The following VPS8 variants were observed in gnomAD, a reference collection of about 807,000 sequenced individuals.
The protein encoded by VPS8 is VPS8 subunit of CORVET complex, also known as vacuolar protein sorting-associated protein 8 homolog.
VPS8 carries 129 observed loss-of-function variants against 216.4 expected under a neutral mutation model. That is an observed-to-expected ratio of 0.60 (90% confidence interval 0.52 to 0.69). VPS8 has a LOEUF of 0.69. VPS8 is among the 30% of genes least tolerant of loss of function. VPS8 has a pLI of 0.00. For missense variants in VPS8, 1,531 were observed against 1,683.5 expected (o/e 0.91, Z 1.59); for synonymous variants, 571 against 565.4 (o/e 1.01, Z -0.14).
intron 46 of VPS8, among the ~76,000 whole-genome samples, chr3:185,031,834 G>A (rs1001191202): frequency 6.6e-6 from 1 of 152,294 alleles, no homozygotes; most frequent in Middle Eastern, 3.4e-3. Flanking sequence ...TAGATCCCTT[G>A]AAGCATTAAA....
At chr3:184,892,194 T>C (rs914176322) in intron 22 of VPS8, among the ~76,000 whole-genome samples, 3 of 152,098 alleles carry the variant, frequency 2.0e-5, no homozygotes, top group Admixed American at 6.6e-5. Flanking sequence ...GAAAAAAATA[T>C]GAGAGCTACA....
chr3:184,950,944 C>T (rs1304242620), intron 36 of VPS8, among the ~76,000 whole-genome samples: 4 of 152,214 alleles, frequency 2.6e-5, no homozygotes, highest in Non-Finnish European at 4.4e-5. Context: ...ATATGTACCA[C>T]ATTTTCTTTA....
chr3:185,023,485 G>A (rs1301336521), intron 45 of VPS8, among the ~76,000 whole-genome samples: 1 of 151,948 alleles, frequency 6.6e-6, no homozygotes, highest in Non-Finnish European at 1.5e-5. Flanking sequence ...TCTGAGGTCA[G>A]GTGATCTCTA....
At chr3:184,922,879 A>C (rs1028027693) in intron 29 of VPS8, among the ~76,000 whole-genome samples, 1 of 152,140 alleles carries the variant, frequency 6.6e-6, no homozygotes, top group East Asian at 1.9e-4. Flanking sequence ...AAGAGAAGAA[A>C]TGGAAAGGAA....
intron 21 of VPS8, among the ~76,000 whole-genome samples, chr3:184,871,213 A>C (rs1426443581): frequency 6.6e-6 from 1 of 151,464 alleles, no homozygotes; most frequent in African/African-American, 2.4e-5. Context: ...AAATATATAT[A>C]TATATATAAA....
chr3:184,971,242 C>T (rs1748350812), intron 39 of VPS8, among the ~76,000 whole-genome samples: 3 of 152,092 alleles, frequency 2.0e-5, no homozygotes, highest in Admixed American at 6.5e-5. Flanking sequence ...TGGCTGAAAT[C>T]ATTGAGAAAA....
chr3:184,915,582 G>A, intron 28 of VPS8, 108 bp downstream of exon 28: 1 of 1,220,772 alleles, frequency 8.2e-7, no homozygotes, highest in Non-Finnish European at 1.1e-6. Flanking sequence ...GCCGAGGCAG[G>A]CAGATCATCT....
intron 36 of VPS8, among the ~76,000 whole-genome samples, chr3:184,946,580 T>G (rs1743716845): frequency 6.6e-6 from 1 of 152,190 alleles, no homozygotes; most frequent in Non-Finnish European, 1.5e-5. Context: ...TAAGGTGAAA[T>G]CCAGTTTTCC....
At chr3:184,827,214 G>A (rs1238120700) in intron 3 of VPS8, among the ~76,000 whole-genome samples, 1 of 152,192 alleles carries the variant, frequency 6.6e-6, no homozygotes, top group African/African-American at 2.4e-5. Flanking sequence ...GTTGTAGGCA[G>A]CACTTTATAG....
At chr3:185,001,906 G>A (rs1388844000) in intron 45 of VPS8, among the ~76,000 whole-genome samples, 1 of 152,136 alleles carries the variant, frequency 6.6e-6, no homozygotes, top group Admixed American at 6.6e-5. Context: ...TATACCACAA[G>A]TACTTACAGA....
intron 1 of VPS8, among the ~76,000 whole-genome samples, chr3:184,815,001 T>G (rs2108455100): frequency 6.6e-6 from 1 of 152,326 alleles, no homozygotes; most frequent in South Asian, 2.1e-4. Flanking sequence ...TCAAAAAATT[T>G]TAATCTTTAA....
chr3:184,994,288 G>C (rs1451128539), intron 43 of VPS8, among the ~76,000 whole-genome samples: 1 of 151,992 alleles, frequency 6.6e-6, no homozygotes, highest in African/African-American at 2.4e-5. Flanking sequence ...GATTGCCAGA[G>C]GCCAGGAGTT....
intron 16 of VPS8, among the ~76,000 whole-genome samples, chr3:184,863,989 A>G (rs1726872233): frequency 6.6e-6 from 1 of 152,172 alleles, no homozygotes; most frequent in South Asian, 2.1e-4. Flanking sequence ...GATAATAATA[A>G]TTACTGTTCC....
rs1413537601 is a variant in VPS8, at chr3:184,924,978, T to C, written c.2571T>C (p.Asp857=). ...TGTTTGTAAACAGAACACTTTTTGA[T>C]CAGGTAAGTGTCTAGCAGTGAAAAC... The part of the protein sequence containing the change: ...NTLFVNRTLF[D]QVLEFLCSPD... The change falls in exon 30 of 48, where the codon GAT becomes GAC. Residue 857 remains aspartate, a synonymous_variant. Coordinates refer to ENST00000625842, the MANE Select transcript of VPS8 (RefSeq NM_001009921.3). 1 of 1,613,406 alleles carries C rather than the reference T, an allele frequency of 6.2e-7. No homozygotes were observed. The highest frequency in any genetic ancestry group is 2.2e-5 in the East Asian group (1 of 44,848).
At chr3:184,837,511 C>T (rs568567496) in intron 5 of VPS8, among the ~76,000 whole-genome samples, 24 of 152,240 alleles carry the variant, frequency 1.6e-4, no homozygotes, top group African/African-American at 5.3e-4. Context: ...TCTTAATTGT[C>T]GAGCATTATG....
At chr3:185,025,566 A>G (rs1577203836) in intron 46 of VPS8, among the ~76,000 whole-genome samples, 1 of 152,350 alleles carries the variant, frequency 6.6e-6, no homozygotes, top group South Asian at 2.1e-4. Context: ...GAAAAGACCT[A>G]TAACATACTG....
At position 184,852,480 on chromosome 3, in the gene VPS8, T is replaced by TACCACTTA; in HGVS notation, c.754-19_754-18insCCACTTAA. 6.2e-7 allele frequency: 1 copy of TACCACTTA among 1,606,478 alleles called. No individual in the cohort carries two copies. Among genetic ancestry groups the TACCACTTA allele is most frequent in the Non-Finnish European group, 8.5e-7 (1 of 1,177,464 alleles). On this transcript the variant is annotated intron_variant, in intron 10 of 47. Transcript: ENST00000625842. ...GACTGTTTAAAAATGTACAAGAAAA[T>TACCACTTA]AAATTCCTTCTCTGTTTAGTTTACA... is the stretch of plus-strand genomic sequence containing the variant.
chr3:184,952,470 G>A (rs1744867764), intron 36 of VPS8, among the ~76,000 whole-genome samples: 1 of 152,184 alleles, frequency 6.6e-6, no homozygotes, highest in African/African-American at 2.4e-5. Flanking sequence ...ATAAAGAGTT[G>A]CAACCTGCAA....
At chr3:184,942,215 C>A (rs1742840621) in intron 36 of VPS8, among the ~76,000 whole-genome samples, 1 of 152,170 alleles carries the variant, frequency 6.6e-6, no homozygotes, top group Non-Finnish European at 1.5e-5. Flanking sequence ...GTCTTGCTCC[C>A]TTCTTACCTA....
Sources: allele counts gnomAD v4.1 joint callset (sites outside exome capture counted in the v4.1 genomes callset), GRCh38; gene constraint gnomAD v4.1.1; transcripts MANE v1.5; gene names NCBI Gene and HGNC (gene_info 2026-07-23, HGNC 2026-07-21).